Variants in WDHD1 observed in about 807,000 individuals in gnomAD.
WDHD1 encodes the protein WD repeat and HMG-box DNA binding protein 1, also known as WD repeat and HMG-box DNA-binding protein 1.
A neutral mutation model predicts 135.4 loss-of-function variants in WDHD1; 111 were observed. The ratio of observed to expected loss-of-function variants is 0.82; its 90% CI spans 0.70 to 0.96. The LOEUF (loss-of-function observed/expected upper bound fraction) is 0.96. Among genes scored for constraint, WDHD1 ranks in the 40% least tolerant of loss-of-function variants. WDHD1 has a pLI of 0.00. For missense variants in WDHD1, 1,351 were observed against 1,336.3 expected (o/e 1.01, Z -0.17); for synonymous variants, 434 against 439.0 (o/e 0.99, Z 0.14).
chr14:55,004,539 G>A (rs961973890), intron 7 of WDHD1, among the ~76,000 whole-genome samples: 6 of 151,852 alleles, frequency 4.0e-5, no homozygotes, highest in Admixed American at 1.3e-4. Flanking sequence ...TGCAACCTCC[G>A]CCTCCTGGGT....
At chr14:54,982,643 C>A (rs1413849417) in intron 15 of WDHD1, among the ~76,000 whole-genome samples, 1 of 151,964 alleles carries the variant, frequency 6.6e-6, no homozygotes, top group African/African-American at 2.4e-5. Context: ...CATTAGTTTC[C>A]GCAGGGTCTG....
At chr14:55,012,416 A>G (rs189775826) in intron 3 of WDHD1, among the ~76,000 whole-genome samples, 2 of 152,320 alleles carry the variant, frequency 1.3e-5, no homozygotes, top group East Asian at 1.9e-4. Flanking sequence ...GTCCTTCTGA[A>G]TAAGTCTTCT....
At position 54,957,186 on chromosome 14, in the gene WDHD1, C is replaced by A. The variant is rs763541804; in HGVS notation, c.2764G>T (p.Glu922Ter). 17 of 1,613,814 alleles carry A rather than the reference C, an allele frequency of 1.1e-5. No homozygotes were observed. The highest frequency in any genetic ancestry group is 1.3e-5 in the Non-Finnish European group (15 of 1,179,844). The change falls in exon 23 of 26, where the codon GAA becomes TAA. Residue 922 changes from glutamate (E) to a stop codon, truncating the protein, a stop_gained. Transcript: ENST00000360586. LOFTEE classifies it high-confidence loss of function. ...GCTGAATTCATTGACATGGCTGGTTCTTTGGAACTGGCTGATACCTAAAGA... is the reference window on the plus strand; with the variant it reads ...GCTGAATTCATTGACATGGCTGGTTATTTGGAACTGGCTGATACCTAAAGA... ...NPFKVSASSK[E>*]PAMSMNSARS...
At position 54,984,764 on chromosome 14, in the gene WDHD1, G is replaced by T. The variant is rs1409183545; in HGVS notation, c.1865C>A (p.Thr622Lys). 1 of 1,613,434 alleles carries T rather than the reference G, an allele frequency of 6.2e-7. No homozygotes were observed. The highest frequency in any genetic ancestry group is 8.5e-7 in the Non-Finnish European group (1 of 1,179,804). The change falls in exon 15 of 26, where the codon ACA (threonine) becomes AAA (lysine). Residue 622 changes from threonine (T) to lysine (K), a missense_variant. Thr to Lys is a moderately conservative substitution (Grantham distance 78). Transcript: ENST00000360586. ...QILHGDPLPL[T>K]RKSYLAWIGF... ...AATCCATGCAAGGTAGGATTTCCTTGTAAGAGGAAGAGGGTCACCATGCAA... is the reference window on the plus strand; with the variant it reads ...AATCCATGCAAGGTAGGATTTCCTTTTAAGAGGAAGAGGGTCACCATGCAA...
chr14:54,961,606 C>T (rs899379745), intron 21 of WDHD1, among the ~76,000 whole-genome samples: 13 of 152,198 alleles, frequency 8.5e-5, no homozygotes, highest in African/African-American at 2.7e-4. Flanking sequence ...GCCTTGAAGT[C>T]CCTACCCATC....
At chr14:54,997,157 G>A (rs977818628) in intron 10 of WDHD1, among the ~76,000 whole-genome samples, 2 of 142,986 alleles carry the variant, frequency 1.4e-5, no homozygotes, top group Non-Finnish European at 1.5e-5. Flanking sequence ...GTGCAGTGGC[G>A]TGATCTTGGC....
chr14:54,958,128 ATTTT>A (rs35354246), intron 21 of WDHD1, among the ~76,000 whole-genome samples: 1 of 139,948 alleles, frequency 7.1e-6, no homozygotes, highest in African/African-American at 2.6e-5. Flanking sequence ...CCATCCAGCC[ATTTT>A]TTTTTTTTTT....
intron 10 of WDHD1, among the ~76,000 whole-genome samples, chr14:54,996,713 G>A (rs971767640): frequency 9.8e-5 from 13 of 132,678 alleles, no homozygotes; most frequent in African/African-American, 4.4e-4. Flanking sequence ...TAAGCCAATG[G>A]AAATTTATAG....
chr14:54,987,366 A>G lies in WDHD1; in HGVS notation c.1548T>C (p.Phe516=). The change falls in exon 14 of 26, where the codon TTT becomes TTC. Residue 516 remains phenylalanine, a synonymous_variant. Coordinates refer to ENST00000360586, the MANE Select transcript of WDHD1 (RefSeq NM_007086.4). ...ELASKLHCLH[F]SSWDSSKEWI... is the part of the protein sequence containing the mutation. ...ACTCTTTGCTTGAATCCCAAGAACTAAAGTGCAGGCAGTGAAGCTTGCTAA... is the reference window on the plus strand; with the variant it reads ...ACTCTTTGCTTGAATCCCAAGAACTGAAGTGCAGGCAGTGAAGCTTGCTAA... 1 of 1,613,858 alleles carries G rather than the reference A, an allele frequency of 6.2e-7. No individual in the cohort carries two copies. Among genetic ancestry groups the G allele is most frequent in the Non-Finnish European group, 8.5e-7 (1 of 1,179,922 alleles).
chr14:54,944,714 G>GGTTCAAGCGATTCTCCTGC (rs1338220605), intron 24 of WDHD1: 1 of 229,542 alleles, frequency 4.4e-6, no homozygotes, highest in African/African-American at 2.3e-5. Flanking sequence ...CCGCCTCCTG[G>GGTTCAAGCGATTCTCCTGC]GTTCAAGCGA....
At position 54,939,762 on chromosome 14, in the gene WDHD1, T is replaced by C. The variant is rs1266900552; in HGVS notation, c.*1728A>G. 1 of 152,224 alleles carries C rather than the reference T, an allele frequency of 6.6e-6. No homozygotes were observed. Among genetic ancestry groups the C allele is most frequent in the South Asian group, 2.1e-4 (1 of 4,832 alleles). 9.4% of individuals were successfully genotyped at this position (152,224 alleles called of 1,614,324 possible). On this transcript the variant is annotated 3_prime_UTR_variant, in exon 26 of 26. Coordinates refer to ENST00000360586, the MANE Select transcript of WDHD1 (RefSeq NM_007086.4). ...AAAACCCTTTTGTAAATCCTTGTTA[T>C]TAGGTTGCTATGAATCTGAAATACA...
intron 16 of WDHD1, 149 bp downstream of exon 16, chr14:54,981,391 G>C (rs1053871474): frequency 1.7e-5 from 12 of 700,152 alleles, no homozygotes; most frequent in Non-Finnish European, 2.7e-5. Context: ...AAACTTCAGA[G>C]TGAATATGAA....
intron 2 of WDHD1, among the ~76,000 whole-genome samples, chr14:55,019,956 T>C (rs748574565): frequency 1.3e-5 from 2 of 152,030 alleles, no homozygotes; most frequent in Non-Finnish European, 2.9e-5. Context: ...CCTCAAGGAG[T>C]CAATGATTAC....
At chr14:55,026,484 C>A (rs1427141843) in intron 2 of WDHD1, among the ~76,000 whole-genome samples, 2 of 152,068 alleles carry the variant, frequency 1.3e-5, no homozygotes, top group East Asian at 3.8e-4. Flanking sequence ...GAGAGAAGCT[C>A]GCATCTTTCC....
chr14:55,002,243 G>A, intron 7 of WDHD1, 58 bp from the exon 8 acceptor site: 3 of 1,189,976 alleles, frequency 2.5e-6, no homozygotes, highest in Non-Finnish European at 3.6e-6. Context: ...ATTTGAAGAA[G>A]GAAAAAGGCA....
intron 24 of WDHD1, among the ~76,000 whole-genome samples, chr14:54,948,892 G>C (rs1427040646): frequency 1.3e-5 from 2 of 152,176 alleles, no homozygotes; most frequent in Non-Finnish European, 2.9e-5. Context: ...CCCAGGCAGA[G>C]TCTGGAGTGG....
intron 24 of WDHD1, among the ~76,000 whole-genome samples, chr14:54,948,749 AC>A (rs1301803028): frequency 1.3e-5 from 2 of 151,936 alleles, no homozygotes; most frequent in Non-Finnish European, 2.9e-5. Flanking sequence ...ACTGGGAGGC[AC>A]CCCCCAGTAG....
Position 54,962,508 on chromosome 14 carries a change from T to C in WDHD1, c.2691A>G (p.Ser897=). ...FSKSTNSSDV[S]AKSGAVTFSS... The stretch of plus-strand genomic sequence containing the variant: ...ATAAATATTTCTCACCTGACTTAGC[T>C]GAAACATCAGAGGAATTTGTACTTT... The change falls in exon 21 of 26, where the codon TCA becomes TCG. Residue 897 remains serine, a synonymous_variant. Transcript: ENST00000360586. 4 of 1,609,482 alleles carry C rather than the reference T, an allele frequency of 2.5e-6. No homozygotes were observed. Among genetic ancestry groups the C allele is most frequent in the Non-Finnish European group, 2.5e-6 (3 of 1,177,532 alleles).
Position 54,961,822 on chromosome 14 carries a change from C to T in WDHD1, c.2701+676G>A, listed in dbSNP as rs530945320. ...TTATCCCCCAGGCCCACTCCCTGTA[C>T]GCAACCATTTTCAACTCCTTTTTTT... On this transcript the variant is annotated intron_variant, in intron 21 of 25. Coordinates refer to ENST00000360586, the MANE Select transcript of WDHD1 (RefSeq NM_007086.4). 1.3e-4 allele frequency among the ~76,000 whole-genome samples: 20 copies of T among 151,806 alleles called. No homozygotes were observed. In the East Asian group the frequency reaches 2.5e-3, roughly 19 times the overall value.
Sources: allele counts gnomAD v4.1 joint callset (sites outside exome capture counted in the v4.1 genomes callset), GRCh38; gene constraint gnomAD v4.1.1; transcripts MANE v1.5; gene names NCBI Gene and HGNC (gene_info 2026-07-23, HGNC 2026-07-21).